Variants in CLTCL1 observed in about 807,000 individuals in gnomAD.
CLTCL1 encodes the protein clathrin heavy chain 2.
Under a neutral mutation model 190.0 loss-of-function variants are expected in CLTCL1, and 159 were observed. The ratio of observed to expected loss-of-function variants is 0.84; its 90% CI spans 0.74 to 0.95. CLTCL1 has a LOEUF of 0.95. CLTCL1 is among the 40% of genes least tolerant of loss of function. CLTCL1 has a pLI of 0.00. For missense variants in CLTCL1, 1,878 were observed against 2,033.4 expected (o/e 0.92, Z 1.47); for synonymous variants, 752 against 769.6 (o/e 0.98, Z 0.38).
chr22:19,212,202 A>C (rs1196883110), intron 19 of CLTCL1, among the ~76,000 whole-genome samples: 4 of 152,172 alleles, frequency 2.6e-5, no homozygotes, highest in African/African-American at 9.7e-5. Flanking sequence ...CATATAGACA[A>C]GCTAATTCTG....
intron 3 of CLTCL1, among the ~76,000 whole-genome samples, chr22:19,244,963 C>T (rs1169560517): frequency 2.0e-5 from 3 of 152,138 alleles, no homozygotes; most frequent in African/African-American, 7.2e-5. Context: ...CAAGCAACTG[C>T]AATACAGAGT....
At chr22:19,243,885 G>A (rs1272999432) in intron 3 of CLTCL1, among the ~76,000 whole-genome samples, 1 of 151,866 alleles carries the variant, frequency 6.6e-6, no homozygotes, top group African/African-American at 2.4e-5. Context: ...TTTTAGTAGA[G>A]ACGGGGTTTC....
chr22:19,182,522 CAG>C (rs2084174290), intron 30 of CLTCL1: 1 of 152,222 alleles, frequency 6.6e-6, no homozygotes, highest in African/African-American at 2.4e-5. Flanking sequence ...TGGCCTTTAT[CAG>C]GGGCTGGGCA....
intron 11 of CLTCL1, among the ~76,000 whole-genome samples, chr22:19,227,707 C>A (rs1021137079): frequency 6.6e-6 from 1 of 152,148 alleles, no homozygotes; most frequent in Admixed American, 6.5e-5. Context: ...CCCGCCTTGG[C>A]CTCCCAAAGT....
chr22:19,195,064 A>AAGCATGGCCACTTCCACCACGGCTC (rs2084652060), intron 26 of CLTCL1, among the ~76,000 whole-genome samples: 1 of 152,236 alleles, frequency 6.6e-6, no homozygotes, highest in Non-Finnish European at 1.5e-5. Context: ...TAAGAAACAA[A>AAGCATGGCCACTTCCACCACGGCTC]AGCATGGCCA....
At chr22:19,241,078 C>T (rs574427354) in intron 4 of CLTCL1, among the ~76,000 whole-genome samples, 104 of 152,320 alleles carry the variant, frequency 6.8e-4, no homozygotes, top group African/African-American at 2.4e-3. Context: ...GACACAGGGC[C>T]GCTCCAGGAC....
chr22:19,255,697 G>A (rs1019393986), intron 2 of CLTCL1, among the ~76,000 whole-genome samples: 1 of 151,060 alleles, frequency 6.6e-6, no homozygotes, highest in Non-Finnish European at 1.5e-5. Flanking sequence ...ATTACCGGAG[G>A]TCAGGAGTTC....
chr22:19,218,247 CCT>C (rs1377081304), intron 18 of CLTCL1, among the ~76,000 whole-genome samples: 1 of 152,168 alleles, frequency 6.6e-6, no homozygotes, highest in Non-Finnish European at 1.5e-5. Flanking sequence ...CATGAAGTCA[CCT>C]TCAAGGTGTA....
At position 19,201,419 on chromosome 22, in the gene CLTCL1, G is replaced by A; in HGVS notation, c.3675C>T (p.Ala1225=). ...GGTGAACCAAGGTGGAAGCCAGGCG[G>A]GCAAAGTTAGAAACATTGCTATAGA... The part of the protein sequence containing the change: ...KLLYSNVSNF[A]RLASTLVHLG... Residue 1225 remains alanine, a synonymous_variant, in exon 23 of 33, where the codon GCC becomes GCT. Transcript: ENST00000427926. 1 of 1,613,920 alleles carries A rather than the reference G, an allele frequency of 6.2e-7. No homozygotes were observed. Among genetic ancestry groups the A allele is most frequent in the Non-Finnish European group, 8.5e-7 (1 of 1,179,850 alleles).
intron 1 of CLTCL1, among the ~76,000 whole-genome samples, chr22:19,281,375 G>T (rs28665914): frequency 6.6e-6 from 1 of 151,362 alleles, no homozygotes; most frequent in African/African-American, 2.4e-5. Flanking sequence ...ACTTAATATC[G>T]CTAAAATATA....
chr22:19,220,432 G>A (rs1555951704), intron 17 of CLTCL1, among the ~76,000 whole-genome samples: 1 of 152,210 alleles, frequency 6.6e-6, no homozygotes, highest in Non-Finnish European at 1.5e-5. Context: ...TCTGTAAAAT[G>A]TTATCAGAAC....
At chr22:19,209,402 G>A (rs1034271214) in intron 20 of CLTCL1, 2 of 305,054 alleles carry the variant, frequency 6.6e-6, no homozygotes, top group Non-Finnish European at 1.2e-5. Flanking sequence ...CATGGGACTT[G>A]CTCCTGACCT....
intron 3 of CLTCL1, among the ~76,000 whole-genome samples, chr22:19,245,356 G>T (rs149493983): frequency 3.7e-3 from 565 of 151,934 alleles, no homozygotes; most frequent in African/African-American, 0.012. Flanking sequence ...AGCATGCCTG[G>T]CTAATTTTTG....
At chr22:19,187,830 G>T in intron 28 of CLTCL1, 102 bp from the exon 29 acceptor site, 1 of 1,385,654 alleles carries the variant, frequency 7.2e-7, no homozygotes, top group Non-Finnish European at 1.0e-6. Flanking sequence ...TATCAGCACA[G>T]CCTTAGAAAG....
chr22:19,258,359 G>T, intron 2 of CLTCL1: 1 of 399,094 alleles, frequency 2.5e-6, no homozygotes, highest in South Asian at 2.1e-5. Context: ...GCACCACAGT[G>T]GTCATCACGC....
intron 1 of CLTCL1, among the ~76,000 whole-genome samples, chr22:19,282,467 G>A (rs1160302974): frequency 3.3e-5 from 5 of 151,586 alleles, no homozygotes; most frequent in East Asian, 1.9e-4. Context: ...GTGAAACCCC[G>A]TCTCCACTAA....
At chr22:19,207,051 C>T (rs1555943162) in intron 22 of CLTCL1, among the ~76,000 whole-genome samples, 1 of 129,100 alleles carries the variant, frequency 7.7e-6, no homozygotes, top group Non-Finnish European at 1.6e-5. Context: ...GAGTCTCGCT[C>T]TGTCACCCAG....
chr22:19,200,816 T>A (rs894068235), intron 23 of CLTCL1, among the ~76,000 whole-genome samples: 1 of 152,220 alleles, frequency 6.6e-6, no homozygotes, highest in Non-Finnish European at 1.5e-5. Context: ...TACTCCAGCC[T>A]GGGCGACAGA....
rs1290814206 is a variant in CLTCL1, at chr22:19,278,027, T to C, written c.43-2197A>G. Reference sequence around the variant, plus strand: ...CGTTTCTCATTTATTACAAGGGATATTACAAAGGATACTGATGAACCGCCA... The same window carrying C: ...CGTTTCTCATTTATTACAAGGGATACTACAAAGGATACTGATGAACCGCCA... On this transcript the variant is annotated intron_variant, in intron 1 of 32. Transcript: ENST00000427926. 2.0e-5 allele frequency among the ~76,000 whole-genome samples: 3 copies of C among 152,104 alleles called. No individual in the cohort carries two copies. The East Asian group carries it at 5.8e-4, about 29-fold the overall frequency.
Sources: allele counts gnomAD v4.1 joint callset (sites outside exome capture counted in the v4.1 genomes callset), GRCh38; gene constraint gnomAD v4.1.1; transcripts MANE v1.5; gene names NCBI Gene and HGNC (gene_info 2026-07-23, HGNC 2026-07-21).